FZD3: variants seen among roughly 807,000 people sequenced by gnomAD.
FZD3 encodes frizzled-3.
In FZD3, 30 loss-of-function variants were observed where a neutral mutation model predicts 60.7. The observed-to-expected ratio is 0.49, with a 90% CI of 0.37 to 0.67. The LOEUF (loss-of-function observed/expected upper bound fraction) is 0.67. Ranked by LOEUF, FZD3 falls within the 30% of genes least tolerant of loss-of-function variation. FZD3 has a pLI of 0.00. For missense variants in FZD3, 605 were observed against 838.7 expected (o/e 0.72, Z 3.44); for synonymous variants, 246 against 275.2 (o/e 0.89, Z 1.05).
At chr8:28,517,496 C>CG (rs1176386484) in intron 3 of FZD3, among the ~76,000 whole-genome samples, 1 of 152,170 alleles carries the variant, frequency 6.6e-6, no homozygotes, top group Non-Finnish European at 1.5e-5. Context: ...AATCCTTAGC[C>CG]ATCATCTTTG....
intron 5 of FZD3, among the ~76,000 whole-genome samples, chr8:28,541,845 G>C (rs1805175372): frequency 6.6e-6 from 1 of 152,064 alleles, no homozygotes; most frequent in Non-Finnish European, 1.5e-5. Context: ...AGCTATCTTT[G>C]GACCCTCTCT....
intron 5 of FZD3, among the ~76,000 whole-genome samples, chr8:28,539,516 G>T (rs1805106505): frequency 6.6e-6 from 1 of 152,152 alleles, no homozygotes; most frequent in South Asian, 2.1e-4. Flanking sequence ...AACAGTAAAG[G>T]TTGCTAAGCA....
chr8:28,514,493 G>A lies in FZD3; in HGVS notation c.190-6145G>A, dbSNP rs144748394. ...ACCATCACCACAGTCAAGATACAGA[G>A]CATTTCCATCACCTGAAAAGCTTTC... On this transcript the variant is annotated intron_variant, in intron 3 of 7. Coordinates refer to ENST00000240093, the MANE Select transcript of FZD3 (RefSeq NM_017412.4). Among the ~76,000 whole-genome samples the A allele has an allele frequency of 5.8e-3, 884 of 152,276 alleles. 33 individuals are homozygous for A. Among genetic ancestry groups the A allele is most frequent in the Admixed American group, 0.051 (787 of 15,292 alleles).
At chr8:28,533,148 C>T (rs889734533) in intron 5 of FZD3, among the ~76,000 whole-genome samples, 3 of 151,826 alleles carry the variant, frequency 2.0e-5, no homozygotes, top group Non-Finnish European at 4.4e-5. Flanking sequence ...AGTTTTTGCT[C>T]CTAATAAATA....
intron 5 of FZD3, among the ~76,000 whole-genome samples, chr8:28,538,930 G>T (rs1448520575): frequency 6.6e-6 from 1 of 151,494 alleles, no homozygotes; most frequent in Non-Finnish European, 1.5e-5. Context: ...TACAGCCTCT[G>T]CCCTACAGTT....
intron 5 of FZD3, among the ~76,000 whole-genome samples, chr8:28,546,656 C>A (rs1433815105): frequency 6.6e-6 from 1 of 151,936 alleles, no homozygotes; most frequent in African/African-American, 2.4e-5. Context: ...TTTTTAAATT[C>A]TGGGATTTTT....
At chr8:28,554,124 C>T (rs1275737110) in intron 6 of FZD3, among the ~76,000 whole-genome samples, 14 of 152,180 alleles carry the variant, frequency 9.2e-5, no homozygotes. Flanking sequence ...GATTTAAGAC[C>T]ATACTTATGC....
At chr8:28,536,168 A>G (rs758419701) in intron 5 of FZD3, among the ~76,000 whole-genome samples, 18 of 152,226 alleles carry the variant, frequency 1.2e-4, no homozygotes, top group Non-Finnish European at 2.2e-4. Context: ...GGATTATCCT[A>G]TACTCTGTAC....
rs143756661 is a variant in FZD3 at position 28,541,569 on chromosome 8, C to A, written c.1405-10034C>A. On this transcript the variant is annotated intron_variant, in intron 5 of 7. Transcript: ENST00000240093. The stretch of plus-strand genomic sequence containing the variant: ...GAAGATAGGGTTTCTCTCCTAGGCT[C>A]TCTGTTTTCTTTCCTTTCTCCCTTT... Among the ~76,000 whole-genome samples the A allele has an allele frequency of 1.7e-3, 264 of 152,282 alleles. 2 individuals carry two copies. The highest frequency in any genetic ancestry group is 6.0e-3 in the African/African-American group (250 of 41,560).
chr8:28,505,230 C>G (rs1325123864), intron 3 of FZD3: 2 of 154,576 alleles, frequency 1.3e-5, no homozygotes, highest in African/African-American at 4.8e-5. Flanking sequence ...GTAATTGGAG[C>G]AAACCCAGCA....
At chr8:28,499,217 CTG>C (rs1373998081) in intron 1 of FZD3, among the ~76,000 whole-genome samples, 1 of 152,252 alleles carries the variant, frequency 6.6e-6, no homozygotes, top group Non-Finnish European at 1.5e-5. Flanking sequence ...AATAGTTTTA[CTG>C]TGTTACATGT....
chr8:28,495,723 AAG>A lies in FZD3; in HGVS notation c.-391+1382_-391+1383del, dbSNP rs896385902. On this transcript the variant is annotated intron_variant, in intron 1 of 7. Transcript: ENST00000240093. ...CCAGAAAAAAGGACAAAAACCCACAAAGATAAAAAAAATTCAGAGTCGGAGAG... is the reference window on the plus strand; with the variant it reads ...CCAGAAAAAAGGACAAAAACCCACAAATAAAAAAAATTCAGAGTCGGAGAG... Among the ~76,000 whole-genome samples, 490 of 152,144 alleles carry A rather than the reference AAG, an allele frequency of 3.2e-3. 4 individuals carry two copies. Among genetic ancestry groups the A allele is most frequent in the African/African-American group, 0.012 (477 of 41,414 alleles).
chr8:28,524,817 C>T (rs1426510900), intron 4 of FZD3, among the ~76,000 whole-genome samples: 3 of 152,282 alleles, frequency 2.0e-5, no homozygotes, highest in African/African-American at 7.2e-5. Flanking sequence ...AACCTATATC[C>T]AGTAGCCATT....
At chr8:28,545,917 A>G (rs1007282235) in intron 5 of FZD3, among the ~76,000 whole-genome samples, 2 of 152,242 alleles carry the variant, frequency 1.3e-5, no homozygotes, top group Admixed American at 6.5e-5. Flanking sequence ...TGGTGGTCCC[A>G]TAGGATTATA....
At chr8:28,501,894 A>G (rs1452082461) in intron 2 of FZD3, among the ~76,000 whole-genome samples, 1 of 152,196 alleles carries the variant, frequency 6.6e-6, no homozygotes, top group East Asian at 1.9e-4. Flanking sequence ...TGTACTGTCT[A>G]AAAAATAATA....
rs191891601 is a variant in FZD3 at position 28,523,560 on chromosome 8, G to A, written c.386+2726G>A. 3.7e-3 allele frequency among the ~76,000 whole-genome samples: 564 copies of A among 151,384 alleles called. 6 individuals carry two copies. Among genetic ancestry groups the A allele is most frequent in the Non-Finnish European group, 4.9e-3 (334 of 67,888 alleles). ...TCCTTCTGCCTCAGCCTCCCAAGTA[G>A]CTGGGATTACATGGGCGTACCACCA... On this transcript the variant is annotated intron_variant, in intron 4 of 7. Transcript: ENST00000240093.
In FZD3 at chr8:28,573,238, C is replaced by T. The variant is rs1428051410; in HGVS notation, c.*10227C>T. ...CTCAAGTGTTAGAAATTTGCTTTAACTAATTTATATTAAAGTGTTAGTGAC... is the reference window on the plus strand; with the variant it reads ...CTCAAGTGTTAGAAATTTGCTTTAATTAATTTATATTAAAGTGTTAGTGAC... On this transcript the variant is annotated 3_prime_UTR_variant, in exon 8 of 8. Coordinates refer to ENST00000240093, the MANE Select transcript of FZD3 (RefSeq NM_017412.4). 2.0e-5 allele frequency: 3 copies of T among 152,226 alleles called. No individual in the cohort carries two copies. Among genetic ancestry groups the T allele is most frequent in the African/African-American group, 7.2e-5 (3 of 41,548 alleles). The allele number at this position is 152,226 out of a possible 1,614,324, so 9.4% of individuals were successfully genotyped here. A position where few individuals can be genotyped will look rare whatever the true frequency, so the allele number is the denominator to read the frequency against.
At chr8:28,517,537 T>C (rs1804460867) in intron 3 of FZD3, among the ~76,000 whole-genome samples, 1 of 152,038 alleles carries the variant, frequency 6.6e-6, no homozygotes, top group Admixed American at 6.5e-5. Context: ...TTCTTACTGA[T>C]CTGTCCTTTT....
chr8:28,528,776 T>G (rs1049228047), intron 5 of FZD3, among the ~76,000 whole-genome samples: 3 of 152,322 alleles, frequency 2.0e-5, no homozygotes, highest in African/African-American at 4.8e-5. Flanking sequence ...AAATGTTAAG[T>G]GACTTGTTCT....
Sources: gnomAD v4.1 joint callset for allele counts (sites outside exome capture counted in the v4.1 genomes callset) on GRCh38, gnomAD v4.1.1 for gene constraint, MANE v1.5 for transcripts, NCBI Gene and HGNC (gene_info 2026-07-23, HGNC 2026-07-21) for gene names.